The following PDE11A variants were observed in gnomAD, a reference collection of about 807,000 sequenced individuals.
PDE11A encodes the protein dual 3',5'-cyclic-AMP and -GMP phosphodiesterase 11A.
In PDE11A, 100 loss-of-function variants were observed where a neutral mutation model predicts 100.5. That is an observed-to-expected ratio of 1.00 (90% CI 0.85 to 1.18). The LOEUF (loss-of-function observed/expected upper bound fraction) is 1.18, where lower values mean the gene tolerates loss of function less well. PDE11A is among the 50% of genes most tolerant of loss of function. The probability of loss-of-function intolerance (pLI) is 0.00; values close to 1 mark genes in which losing one functional copy is unlikely to be tolerated. For synonymous variants in PDE11A, 381 were observed against 420.8 expected (o/e 0.91, Z 1.16); for missense variants, 1,141 against 1,152.6 (o/e 0.99, Z 0.15).
rs1238645908 is a variant in PDE11A, at chr2:177,981,925, G to A, written c.1071+32377C>T. Among the ~76,000 whole-genome samples the A allele has an allele frequency of 4.6e-5, 7 of 150,802 alleles. 1 individual carries two copies. The highest frequency in any genetic ancestry group is 2.1e-4 in the South Asian group (1 of 4,668). On this transcript the variant is annotated intron_variant, in intron 2 of 19. Coordinates refer to ENST00000286063, the MANE Select transcript of PDE11A (RefSeq NM_016953.4). ...ATCCTTCCTGCGCTTAGCTGAATCC[G>A]GAAAGGCAGGATATTGACTCCTTTG...
intron 5 of PDE11A, among the ~76,000 whole-genome samples, chr2:177,862,380 A>G: frequency 6.6e-6 from 1 of 151,840 alleles, no homozygotes; most frequent in East Asian, 1.9e-4. Context: ...ACTGTAAAGT[A>G]TACTTACTGC....
At chr2:178,074,728 G>A (rs1183853525), upstream of PDE11A, among the ~76,000 whole-genome samples, 1 of 152,188 alleles carries the variant, frequency 6.6e-6, no homozygotes, top group Non-Finnish European at 1.5e-5. Flanking sequence ...TGAGAGTGGA[G>A]AAGAATACTG....
chr2:177,646,599 T>C (rs1435456611), intron 19 of PDE11A, among the ~76,000 whole-genome samples: 1 of 152,206 alleles, frequency 6.6e-6, no homozygotes, highest in East Asian at 1.9e-4. Context: ...CATGGTGTCT[T>C]TACATCAGGG....
At chr2:177,756,663 G>A (rs2082094617) in intron 10 of PDE11A, among the ~76,000 whole-genome samples, 1 of 152,182 alleles carries the variant, frequency 6.6e-6, no homozygotes. Context: ...AATGAACCTA[G>A]TAGCAAGAGG....
At position 177,892,743 on chromosome 2, in the gene PDE11A, G is replaced by A. The variant is rs542041621; in HGVS notation, c.1302+5315C>T. On this transcript the variant is annotated intron_variant, in intron 4 of 19. Coordinates refer to ENST00000286063, the MANE Select transcript of PDE11A (RefSeq NM_016953.4). ...GATAAGAAGGCCTTGCTGGCCCTCA[G>A]CACAGTCATTCCTAACACTGGATAT... Among the ~76,000 whole-genome samples, 8 of 152,356 alleles carry A rather than the reference G, an allele frequency of 5.3e-5. No homozygotes were observed. In the East Asian group the frequency reaches 1.5e-3, roughly 29 times the overall value.
chr2:177,712,180 G>C (rs967536647), intron 12 of PDE11A, among the ~76,000 whole-genome samples: 1 of 152,244 alleles, frequency 6.6e-6, no homozygotes, highest in Non-Finnish European at 1.5e-5. Context: ...TTTAGCAAAG[G>C]CCCAGGGCAA....
intron 9 of PDE11A, among the ~76,000 whole-genome samples, chr2:177,776,418 C>G (rs1334656344): frequency 6.6e-6 from 1 of 152,142 alleles, no homozygotes; most frequent in Non-Finnish European, 1.5e-5. Context: ...CCTTTCACCC[C>G]CACCTCACAA....
At chr2:178,102,440 T>C (rs1388149773) in intron 2 of PDE11A, among the ~76,000 whole-genome samples, 11 of 146,530 alleles carry the variant, frequency 7.5e-5, no homozygotes, top group Non-Finnish European at 9.0e-5. Flanking sequence ...TTTTTTTTTT[T>C]TTTTTTTTTT....
chr2:178,105,271 C>T (rs2087604499), intron 1 of PDE11A, among the ~76,000 whole-genome samples: 1 of 152,112 alleles, frequency 6.6e-6, no homozygotes, highest in African/African-American at 2.4e-5. Flanking sequence ...ATCAGCCCGG[C>T]CAAGATGGTG....
chr2:177,865,288 C>CA (rs773626444), intron 5 of PDE11A, among the ~76,000 whole-genome samples: 72 of 151,586 alleles, frequency 4.7e-4, no homozygotes, highest in Non-Finnish European at 9.6e-4. Flanking sequence ...CTGCATCCCC[C>CA]AAAAAAACAA....
intron 6 of PDE11A, among the ~76,000 whole-genome samples, chr2:177,836,916 C>G (rs774505945): frequency 4.6e-5 from 7 of 152,244 alleles, no homozygotes; most frequent in Middle Eastern, 3.4e-3. Context: ...TCAGAAGGAA[C>G]AAACTCCGGA....
chr2:177,980,552 G>T (rs567170546), intron 2 of PDE11A, among the ~76,000 whole-genome samples: 2 of 146,608 alleles, frequency 1.4e-5, no homozygotes, highest in East Asian at 4.0e-4. Context: ...TTTTAGCCCA[G>T]GTTCAGTGTC....
chr2:177,634,924 G>C (rs1271306130), intron 19 of PDE11A, among the ~76,000 whole-genome samples: 2 of 152,186 alleles, frequency 1.3e-5, no homozygotes, highest in Non-Finnish European at 2.9e-5. Flanking sequence ...TTGCTCCTCA[G>C]TGAAAGAGAA....
chr2:177,851,392 G>A (rs1014526370), intron 5 of PDE11A, among the ~76,000 whole-genome samples: 1 of 151,954 alleles, frequency 6.6e-6, no homozygotes, highest in Non-Finnish European at 1.5e-5. Context: ...TCGTGGGGTG[G>A]GGGGATCGGG....
In PDE11A at chr2:177,911,399, G is replaced by C. The variant is rs78793050; in HGVS notation, c.1072-6212C>G. ...GTATAGCTTCATTCACTGCAATTTT[G>C]TTTCTACACAAATTCAATAAAGATG... On this transcript the variant is annotated intron_variant, in intron 2 of 19. Transcript: ENST00000286063. Among the ~76,000 whole-genome samples the C allele has an allele frequency of 9.7e-3, 1,475 of 152,102 alleles. 22 individuals carry two copies. Among genetic ancestry groups the C allele is most frequent in the African/African-American group, 0.034 (1,400 of 41,494 alleles).
At chr2:177,801,527 A>G (rs2105553941) in intron 9 of PDE11A, among the ~76,000 whole-genome samples, 1 of 152,274 alleles carries the variant, frequency 6.6e-6, no homozygotes, top group East Asian at 1.9e-4. Context: ...CCCACATTGG[A>G]GTTAATAAAT....
intron 1 of PDE11A, among the ~76,000 whole-genome samples, chr2:178,068,263 T>C (rs1007423191): frequency 8.5e-5 from 13 of 152,166 alleles, no homozygotes; most frequent in African/African-American, 3.1e-4. Context: ...ATTTATTTTT[T>C]TCCTAATTTC....
At chr2:177,867,857 G>A (rs748185529) in intron 5 of PDE11A, among the ~76,000 whole-genome samples, 1 of 152,224 alleles carries the variant, frequency 6.6e-6, no homozygotes, top group Non-Finnish European at 1.5e-5. Context: ...ATTCCTGACT[G>A]TATCATTGCT....
rs748212296 is a variant in PDE11A at position 178,043,061 on chromosome 2, T to A, written c.912+28465A>T. 8.4e-4 allele frequency among the ~76,000 whole-genome samples: 128 copies of A among 152,234 alleles called. 1 individual carries two copies. Among genetic ancestry groups the A allele is most frequent in the Non-Finnish European group, 2.5e-4 (17 of 68,046 alleles). On this transcript the variant is annotated intron_variant, in intron 1 of 19. Transcript: ENST00000286063. ...GCCTTTAGTTATAGTTTCTAACTGA[T>A]ACTGTCACAAAGATAATTTCTGGTT...
Sources: allele counts gnomAD v4.1 joint callset (sites outside exome capture counted in the v4.1 genomes callset), GRCh38; gene constraint gnomAD v4.1.1; transcripts MANE v1.5; gene names NCBI Gene and HGNC (gene_info 2026-07-23, HGNC 2026-07-21).